The following NAV3 variants were observed in gnomAD, a reference collection of about 807,000 sequenced individuals.
The protein encoded by NAV3 is neuron navigator 3.
In NAV3, 87 loss-of-function variants were observed where a neutral mutation model predicts 244.7. The ratio of observed to expected loss-of-function variants is 0.36; its 90% confidence interval spans 0.30 to 0.42. NAV3 has a LOEUF of 0.42. Ranked by LOEUF, NAV3 falls within the 20% of genes least tolerant of loss-of-function variation. The pLI is 1.00. For missense variants in NAV3, 2,663 were observed against 2,893.3 expected (o/e 0.92, Z 1.83); for synonymous variants, 1,126 against 1,042.2 (o/e 1.08, Z -1.55).
chr12:78,022,544 C>T (rs1877335170), intron 9 of NAV3, among the ~76,000 whole-genome samples: 1 of 152,042 alleles, frequency 6.6e-6, no homozygotes, highest in African/African-American at 2.4e-5. Flanking sequence ...TTATCTGCTC[C>T]TAAGTATAAT....
At chr12:78,090,953 TCTGTGTGTGTGTG>T (rs1381314254) in intron 12 of NAV3, among the ~76,000 whole-genome samples, 2 of 110,318 alleles carry the variant, frequency 1.8e-5, no homozygotes, top group African/African-American at 7.1e-5. Context: ...TGTGCTGTAT[TCTGTGTGTGTGTG>T]TGTGTGTGTG....
chr12:78,110,461 G>T (rs1171861153), intron 12 of NAV3, among the ~76,000 whole-genome samples: 1 of 151,968 alleles, frequency 6.6e-6, no homozygotes, highest in Admixed American at 6.6e-5. Flanking sequence ...TGAGAACAGA[G>T]CCCAAATAGC....
At position 77,637,112 on chromosome 12, in the gene NAV3, A is replaced by G. The variant is rs575451830; in HGVS notation, c.72+64846A>G. 3.3e-5 allele frequency among the ~76,000 whole-genome samples: 5 copies of G among 152,234 alleles called. No individual in the cohort carries two copies. In the East Asian group the frequency reaches 7.7e-4, roughly 24 times the overall value. On this transcript the variant is annotated intron_variant, in intron 2 of 8. Transcript: ENST00000550042. ...TGTGTAACAAACCTGCACATTCTAC[A>G]CATGTATCCCAGAACTTAAAGTATA...
At chr12:78,117,323 ATATT>A (rs1045981802) in intron 13 of NAV3, among the ~76,000 whole-genome samples, 14 of 145,426 alleles carry the variant, frequency 9.6e-5, no homozygotes, top group African/African-American at 2.7e-4. Flanking sequence ...TATATAATAG[ATATT>A]TATATATATT....
intron 2 of NAV3, among the ~76,000 whole-genome samples, chr12:77,706,883 A>C (rs1162931586): frequency 2.8e-5 from 4 of 142,602 alleles, no homozygotes; most frequent in East Asian, 2.0e-4. Context: ...AAAAAAAAAA[A>C]AAAAAAAAAA....
chr12:77,873,513 T>C (rs1881305997), intron 1 of NAV3, among the ~76,000 whole-genome samples: 1 of 151,584 alleles, frequency 6.6e-6, no homozygotes, highest in South Asian at 2.1e-4. Flanking sequence ...ACTATTTTAA[T>C]ACATTTCTAA....
intron 9 of NAV3, among the ~76,000 whole-genome samples, chr12:78,039,447 TC>T (rs1290461320): frequency 2.6e-5 from 4 of 152,098 alleles, no homozygotes; most frequent in African/African-American, 7.2e-5. Context: ...GCTATTTTTC[TC>T]CAAAGTGTCA....
chr12:77,852,663 T>G (rs1877729876), intron 1 of NAV3, among the ~76,000 whole-genome samples: 1 of 152,222 alleles, frequency 6.6e-6, no homozygotes, highest in Non-Finnish European at 1.5e-5. Context: ...TTGTTATTGA[T>G]GTATAATAGA....
rs1392033861 is a variant in NAV3 at position 78,179,675 on chromosome 12, G to A, written c.5510G>A (p.Arg1837Gln). The A allele has an allele frequency of 3.7e-6, 6 of 1,611,148 alleles. No individual in the cohort carries two copies. Among genetic ancestry groups the A allele is most frequent in the South Asian group, 1.1e-5 (1 of 90,696 alleles). Residue 1837 changes from arginine (R) to glutamine (Q), a missense_variant, in exon 29 of 40, where the codon CGG becomes CAG. By Grantham distance (43) the Arg-to-Gln change is conservative. Transcript: ENST00000397909. ...HLDQIREAMN[R>Q]MQNEIEILKA... is the part of the protein sequence containing the mutation. ...GATCAGATCCGGGAAGCCATGAACCGGATGCAGGTTGGTACTGAAGCACTT... is the reference window on the plus strand; with the variant it reads ...GATCAGATCCGGGAAGCCATGAACCAGATGCAGGTTGGTACTGAAGCACTT...
At chr12:77,842,079 T>TA (rs1875759698) in intron 1 of NAV3, among the ~76,000 whole-genome samples, 1 of 152,128 alleles carries the variant, frequency 6.6e-6, no homozygotes, top group Non-Finnish European at 1.5e-5. Context: ...ATTCACCATT[T>TA]AAAAAATAGT....
intron 9 of NAV3, among the ~76,000 whole-genome samples, chr12:78,028,313 T>C (rs189515371): frequency 1.3e-5 from 2 of 152,310 alleles, no homozygotes; most frequent in East Asian, 3.9e-4. Flanking sequence ...AAATATTCAA[T>C]AGGCTGGTTG....
intron 22 of NAV3, among the ~76,000 whole-genome samples, chr12:78,152,775 A>C (rs1484850758): frequency 2.0e-5 from 3 of 152,016 alleles, no homozygotes; most frequent in Non-Finnish European, 1.5e-5. Flanking sequence ...AATATAATCA[A>C]GGATTTTTTA....
chr12:77,827,176 T>C (rs1022167891), upstream of NAV3, among the ~76,000 whole-genome samples: 1 of 139,074 alleles, frequency 7.2e-6, no homozygotes, highest in Non-Finnish European at 1.5e-5. Flanking sequence ...GAGGTTGCAG[T>C]GAACTGAGAT....
At chr12:77,943,686 T>C (rs1308602911) in intron 3 of NAV3, among the ~76,000 whole-genome samples, 2 of 152,168 alleles carry the variant, frequency 1.3e-5, no homozygotes, top group Admixed American at 6.6e-5. Flanking sequence ...TGCATAACAC[T>C]GGGAGGTGCT....
At chr12:78,139,513 C>T (rs1480116093) in intron 19 of NAV3, among the ~76,000 whole-genome samples, 1 of 152,020 alleles carries the variant, frequency 6.6e-6, no homozygotes, top group Non-Finnish European at 1.5e-5. Context: ...GTTTAATGCA[C>T]AATGAGCAGA....
intron 2 of NAV3, among the ~76,000 whole-genome samples, chr12:77,631,093 A>G (rs1333934888): frequency 6.6e-6 from 1 of 152,220 alleles, no homozygotes; most frequent in Non-Finnish European, 1.5e-5. Flanking sequence ...TTGCAGTTAC[A>G]GATGTAAGCA....
At chr12:77,828,260 G>T (rs1313003888), upstream of NAV3, among the ~76,000 whole-genome samples, 1 of 152,080 alleles carries the variant, frequency 6.6e-6, no homozygotes, top group East Asian at 1.9e-4. Flanking sequence ...TTGCTCTTCT[G>T]CCTTCCACCA....
intron 9 of NAV3, chr12:78,037,368 C>T (rs1880078894): frequency 2.8e-6 from 2 of 701,878 alleles, no homozygotes; most frequent in Non-Finnish European, 5.2e-6. Flanking sequence ...AGAACAGGCA[C>T]TTTACACTGA....
chr12:77,727,834 A>G (rs1374476467), intron 2 of NAV3, among the ~76,000 whole-genome samples: 1 of 151,912 alleles, frequency 6.6e-6, no homozygotes, highest in Non-Finnish European at 1.5e-5. Context: ...GGCAGTCTGT[A>G]TTACATAATG....
Sources: gnomAD v4.1 joint callset for allele counts (sites outside exome capture counted in the v4.1 genomes callset) on GRCh38, gnomAD v4.1.1 for gene constraint, MANE v1.5 for transcripts, NCBI Gene and HGNC (gene_info 2026-07-23, HGNC 2026-07-21) for gene names.